Variants in RBM25 observed in about 807,000 individuals in gnomAD.
The protein encoded by RBM25 is RNA binding motif protein 25.
A neutral mutation model predicts 120.7 loss-of-function variants in RBM25; 19 were observed. The observed-to-expected ratio is 0.16, with a 90% CI of 0.11 to 0.23. The LOEUF (loss-of-function observed/expected upper bound fraction) is 0.23, where lower values mean the gene tolerates loss of function less well. RBM25 is among the 10% of genes least tolerant of loss of function. The probability of loss-of-function intolerance (pLI) is 1.00; values close to 1 mark genes in which losing one functional copy is unlikely to be tolerated. For missense variants in RBM25, 605 were observed against 1,041.5 expected (o/e 0.58, Z 5.77); for synonymous variants, 390 against 326.7 (o/e 1.19, Z -2.09).
Position 73,112,197 on chromosome 14 carries a change from A to G in RBM25, c.2338A>G (p.Ile780Val), listed in dbSNP as rs756307616. 2 of 1,608,550 alleles carry G rather than the reference A, an allele frequency of 1.2e-6. No homozygotes were observed. The highest frequency in any genetic ancestry group is 1.7e-6 in the Non-Finnish European group (2 of 1,178,828). The change falls in exon 17 of 19, where the codon ATA (isoleucine) becomes GTA (valine). Residue 780 changes from isoleucine (I) to valine (V), a missense_variant. Ile to Val is a conservative substitution (Grantham distance 29). Around this residue, in one of 4 missense-constraint regions of RBM25, gnomAD observed 23 missense variants for 83.2 expected, o/e 0.28. Transcript: ENST00000261973. Reference sequence around the variant, plus strand: ...TAGACCATGGATTAATAAGAAAATCATAGAATATATAGGTGAAGAAGAAGC... The same window carrying G: ...TAGACCATGGATTAATAAGAAAATCGTAGAATATATAGGTGAAGAAGAAGC... ...RIRPWINKKI[I>V]EYIGEEEATL... is the part of the protein sequence containing the mutation.
chr14:73,117,046 CAT>C (rs1230025226), intron 18 of RBM25, among the ~76,000 whole-genome samples: 2 of 152,008 alleles, frequency 1.3e-5, no homozygotes, highest in Non-Finnish European at 2.9e-5. Context: ...TTTGTGCCTA[CAT>C]CTCTCTGAAG....
At chr14:73,085,082 A>C (rs962886072) in intron 5 of RBM25, among the ~76,000 whole-genome samples, 1 of 150,788 alleles carries the variant, frequency 6.6e-6, no homozygotes, top group African/African-American at 2.4e-5. Context: ...GCAGTGGCAT[A>C]ATCTTGGCTC....
At position 73,117,210 on chromosome 14, in the gene RBM25, C is replaced by CTTTTTTTTTTT. The variant is rs71112704; in HGVS notation, c.2440-2479_2440-2469dup. 2.6e-3 allele frequency among the ~76,000 whole-genome samples: 127 copies of CTTTTTTTTTTT among 49,428 alleles called. 17 individuals carry two copies. The highest frequency in any genetic ancestry group is 2.9e-3 in the Non-Finnish European group (78 of 27,338). The allele number at this position is 49,428 out of a possible 152,430, so 32.4% of individuals were successfully genotyped here. On this transcript the variant is annotated intron_variant, in intron 18 of 18. Coordinates refer to ENST00000261973, the MANE Select transcript of RBM25 (RefSeq NM_021239.3). ...TTTCTTTTAATTTCTTTCTTCTTTT[C>CTTTTTTTTTTT]TTTTTTTTTTTTTTTTTTTTTTTTT...
chr14:73,071,426 G>A (rs991700555), intron 1 of RBM25, among the ~76,000 whole-genome samples: 5 of 151,758 alleles, frequency 3.3e-5, no homozygotes, highest in Admixed American at 6.6e-5. Flanking sequence ...CCTGAACTTC[G>A]ATCATGTACA....
At chr14:73,076,422 A>G in intron 3 of RBM25, 54 bp downstream of exon 3, 1 of 1,455,288 alleles carries the variant, frequency 6.9e-7, no homozygotes, top group East Asian at 2.3e-5. Flanking sequence ...AGTGCTTTTA[A>G]GCTGAACAGC....
intron 9 of RBM25, chr14:73,100,599 A>G (rs533544811): frequency 3.2e-6 from 1 of 311,748 alleles, no homozygotes; most frequent in Admixed American, 4.9e-5. Flanking sequence ...TGGTCGAGAT[A>G]ATAAGGTGTT....
At chr14:73,119,678 C>CAATCA (rs749034737) in intron 18 of RBM25, 35 bp from the exon 19 acceptor site, 1 of 1,607,134 alleles carries the variant, frequency 6.2e-7, no homozygotes, top group Admixed American at 1.7e-5. Context: ...ATGATTGCTT[C>CAATCA]TCTTACATGT....
chr14:73,068,995 C>G (rs1221525671), intron 1 of RBM25, among the ~76,000 whole-genome samples: 1 of 152,206 alleles, frequency 6.6e-6, no homozygotes. Flanking sequence ...ACTCCGCACC[C>G]TGGGTTCAAG....
intron 10 of RBM25, 75 bp from the exon 11 acceptor site, chr14:73,105,784 T>C: frequency 1.3e-6 from 2 of 1,562,984 alleles, no homozygotes. Context: ...TCATAATGTA[T>C]GTTGTCCTCC....
At chr14:73,060,545 A>G (rs12891150) in intron 1 of RBM25, among the ~76,000 whole-genome samples, 24,031 of 151,346 alleles carry the variant, frequency 0.16, 2,827 homozygotes, top group South Asian at 0.25. Flanking sequence ...ACATCTTGCT[A>G]AAACAGTCTG....
chr14:73,081,408 G>T (rs919187369), intron 4 of RBM25, among the ~76,000 whole-genome samples: 4 of 152,204 alleles, frequency 2.6e-5, no homozygotes, highest in Non-Finnish European at 5.9e-5. Context: ...AAAGTGTGGG[G>T]ATTCTTTTCC....
chr14:73,076,333 C>T lies in RBM25; in HGVS notation c.121C>T (p.Pro41Ser), dbSNP rs1177884199. Residue 41 changes from proline to serine, a missense_variant, in exon 3 of 19, where the codon CCT becomes TCT. Pro to Ser is a moderately conservative substitution (Grantham distance 74). Around this residue, in one of 4 missense-constraint regions of RBM25, gnomAD observed 90 missense variants for 107.3 expected, o/e 0.84. Transcript: ENST00000261973. ...TCTTTTCTTAGGGACCCCAATGATT[C>T]CTGTACCAATGAGCATTATGGCTCC... The part of the protein sequence containing the change: ...PPVPPGTPMI[P>S]VPMSIMAPAP... 3 of 1,610,904 alleles carry T rather than the reference C, an allele frequency of 1.9e-6. No individual in the cohort carries two copies. Among genetic ancestry groups the T allele is most frequent in the Non-Finnish European group, 2.5e-6 (3 of 1,177,902 alleles).
intron 5 of RBM25, among the ~76,000 whole-genome samples, chr14:73,086,476 T>G (rs1277970363): frequency 6.6e-6 from 1 of 152,020 alleles, no homozygotes; most frequent in Admixed American, 6.6e-5. Flanking sequence ...GTGTTTGCTT[T>G]TAGGTTTTTC....
chr14:73,077,992 C>T (rs1895464703), intron 4 of RBM25, among the ~76,000 whole-genome samples: 1 of 151,948 alleles, frequency 6.6e-6, no homozygotes, highest in Non-Finnish European at 1.5e-5. Flanking sequence ...TATCGAGACA[C>T]ATCTTTACAA....
At chr14:73,065,545 C>T (rs963673206) in intron 1 of RBM25, among the ~76,000 whole-genome samples, 12 of 152,108 alleles carry the variant, frequency 7.9e-5, no homozygotes, top group Non-Finnish European at 1.6e-4. Flanking sequence ...CTGCCTCAGC[C>T]TCCTGAGTAG....
intron 1 of RBM25, chr14:73,059,191 A>G (rs951565387): frequency 1.3e-5 from 2 of 152,138 alleles, no homozygotes; most frequent in African/African-American, 2.4e-5. Flanking sequence ...CCACCAACGG[A>G]TATCTTTCCC....
rs1259055101 is a variant in RBM25, at chr14:73,120,887, C to A, written c.*1082C>A. 6.6e-6 allele frequency: 1 copy of A among 152,158 alleles called. No individual in the cohort carries two copies. Among genetic ancestry groups the A allele is most frequent in the African/African-American group, 2.4e-5 (1 of 41,446 alleles). 9.4% of individuals were successfully genotyped at this position (152,158 alleles called of 1,614,324 possible). A position where few individuals can be genotyped will look rare whatever the true frequency, so the allele number is the denominator to read the frequency against. On this transcript the variant is annotated 3_prime_UTR_variant, in exon 19 of 19. Transcript: ENST00000261973. ...ATGTTATTTAAGGATAAAGGTAAAT[C>A]ATTCAAGGCAGTTACCAACCACTAA...
At chr14:73,098,260 G>A (rs1895990497) in intron 7 of RBM25, among the ~76,000 whole-genome samples, 2 of 152,148 alleles carry the variant, frequency 1.3e-5, no homozygotes, top group African/African-American at 2.4e-5. Flanking sequence ...CTCCTGAGAA[G>A]CTGAGACTAT....
rs928193809 is a variant in RBM25 at position 73,103,609 on chromosome 14, A to G, written c.1154+131A>G. 8.2e-6 allele frequency: 11 copies of G among 1,340,188 alleles called. No homozygotes were observed. In the Admixed American group the frequency reaches 2.8e-4, roughly 34 times the overall value. 83.0% of individuals were successfully genotyped at this position (1,340,188 alleles called of 1,614,324 possible). On this transcript the variant is annotated intron_variant, in intron 10 of 18. Transcript: ENST00000261973. ...GTGAGACATTCTCACTCTGTCACTCAGCCTGGACTGCAGTGGCTGAGCAAT... is the reference window on the plus strand; with the variant it reads ...GTGAGACATTCTCACTCTGTCACTCGGCCTGGACTGCAGTGGCTGAGCAAT...
Sources: gnomAD v4.1 joint callset for allele counts (sites outside exome capture counted in the v4.1 genomes callset) on GRCh38, gnomAD v4.1.1 for gene constraint, gnomAD v4.1.1 regional missense constraint, MANE v1.5 for transcripts, NCBI Gene and HGNC (gene_info 2026-07-23, HGNC 2026-07-21) for gene names.